Variants in FARS2 observed in about 807,000 individuals in gnomAD.
FARS2 encodes phenylalanyl-tRNA synthetase 2, mitochondrial.
A neutral mutation model predicts 46.4 loss-of-function variants in FARS2; 40 were observed. That is an observed-to-expected ratio of 0.86 (90% CI 0.67 to 1.12). The LOEUF is 1.12. Among genes scored for constraint, FARS2 ranks in the 50% most tolerant of loss-of-function variants. The probability of loss-of-function intolerance (pLI) is 0.00; values close to 1 mark genes in which losing one functional copy is unlikely to be tolerated. For missense variants in FARS2, 513 were observed against 567.9 expected, an observed-to-expected ratio of 0.90 and a Z score of 0.98; for synonymous variants, 234 against 214.9, an observed-to-expected ratio of 1.09 and a Z score of -0.78.
chr6:5,572,333 T>G (rs1052551324), intron 5 of FARS2, among the ~76,000 whole-genome samples: 4 of 151,900 alleles, frequency 2.6e-5, no homozygotes, highest in Admixed American at 2.6e-4. Context: ...CCACACACTT[T>G]TAAATGACCA....
chr6:5,560,328 A>T (rs1237256894), intron 5 of FARS2, among the ~76,000 whole-genome samples: 2 of 152,150 alleles, frequency 1.3e-5, no homozygotes, highest in African/African-American at 4.8e-5. Flanking sequence ...AGATGATCTT[A>T]TGATTTCTGG....
chr6:5,259,493 A>C (rs138814250), upstream of FARS2, among the ~76,000 whole-genome samples: 2 of 152,374 alleles, frequency 1.3e-5, no homozygotes, highest in African/African-American at 4.8e-5. Context: ...AATTTGCAGC[A>C]TGAGTATATT....
intron 4 of FARS2, chr6:5,451,831 C>T (rs1764509351): frequency 6.6e-6 from 1 of 152,198 alleles, no homozygotes; most frequent in South Asian, 2.1e-4. Flanking sequence ...CCCTATTTAA[C>T]TGGCAAGGAT....
chr6:5,732,891 G>T (rs1274911235), intron 6 of FARS2, among the ~76,000 whole-genome samples: 1 of 151,492 alleles, frequency 6.6e-6, no homozygotes, highest in African/African-American at 2.4e-5. Flanking sequence ...TTCCACAGTT[G>T]CTGAATTCTT....
chr6:5,399,131 TTA>T (rs1761082815), intron 2 of FARS2, among the ~76,000 whole-genome samples: 291 of 17,496 alleles, frequency 0.017, 2 homozygotes, highest in African/African-American at 0.013. Context: ...TATTATTTTA[TTA>T]TTATTATTAT....
Position 5,545,219 on chromosome 6 carries a change from G to A in FARS2, c.944G>A (p.Gly315Glu). The A allele has an allele frequency of 6.2e-7, 1 of 1,613,986 alleles. No homozygotes were observed. The highest frequency in any genetic ancestry group is 8.5e-7 in the Non-Finnish European group (1 of 1,179,912). ...QDRIGWAFGL[G>E]LERLAMILYD... ...CGAATCGGCTGGGCTTTTGGCCTAG[G>A]ATTAGAAAGGCTAGCCATGATCCTC... The change falls in exon 5 of 7, where the codon GGA becomes GAA. Residue 315 changes from glycine to glutamate, a missense_variant. Coordinates refer to ENST00000274680, the MANE Select transcript of FARS2 (RefSeq NM_006567.5).
chr6:5,268,244 A>G (rs979274076), intron 1 of FARS2, among the ~76,000 whole-genome samples: 2 of 151,214 alleles, frequency 1.3e-5, no homozygotes, highest in African/African-American at 2.4e-5. Context: ...TTTTGTTGCC[A>G]TTGCTTTTGG....
At chr6:5,635,638 A>G (rs183300873) in intron 6 of FARS2, among the ~76,000 whole-genome samples, 40 of 152,302 alleles carry the variant, frequency 2.6e-4, no homozygotes, top group African/African-American at 9.4e-4. Flanking sequence ...CGCCCCATGT[A>G]GAAAATGGCA....
At chr6:5,257,116 C>T (rs1764714024), upstream of FARS2, among the ~76,000 whole-genome samples, 1 of 152,172 alleles carries the variant, frequency 6.6e-6, no homozygotes, top group Non-Finnish European at 1.5e-5. Context: ...CCAGAGTGAT[C>T]TATCAGAAAA....
chr6:5,640,869 A>G (rs770467378), intron 6 of FARS2, among the ~76,000 whole-genome samples: 9 of 152,300 alleles, frequency 5.9e-5, no homozygotes, highest in Non-Finnish European at 1.3e-4. Context: ...GCTTGTAACA[A>G]GGGTCAAATG....
At chr6:5,390,255 G>A (rs1760417708) in intron 2 of FARS2, among the ~76,000 whole-genome samples, 1 of 152,274 alleles carries the variant, frequency 6.6e-6, no homozygotes, top group African/African-American at 2.4e-5. Flanking sequence ...GTGAGGTAAG[G>A]CCAGTTTCCA....
chr6:5,467,545 C>T (rs1765576617), intron 4 of FARS2, among the ~76,000 whole-genome samples: 1 of 152,192 alleles, frequency 6.6e-6, no homozygotes, highest in South Asian at 2.1e-4. Context: ...TATCCTCTTC[C>T]TGTGTCAACT....
chr6:5,544,639 A>G (rs1456932737), intron 4 of FARS2, among the ~76,000 whole-genome samples: 1 of 152,196 alleles, frequency 6.6e-6, no homozygotes, highest in Admixed American at 6.5e-5. Flanking sequence ...GTTCTCTGCA[A>G]TGCTGAAGTG....
intron 6 of FARS2, among the ~76,000 whole-genome samples, chr6:5,663,101 A>G (rs957290754): frequency 5.3e-5 from 8 of 152,176 alleles, no homozygotes; most frequent in Non-Finnish European, 2.9e-5. Flanking sequence ...AGGTGATTCT[A>G]TGTCCAGTTT....
chr6:5,574,827 C>A (rs1314904220), intron 5 of FARS2, among the ~76,000 whole-genome samples: 1 of 152,136 alleles, frequency 6.6e-6, no homozygotes, highest in Non-Finnish European at 1.5e-5. Context: ...GGTTCCAAGA[C>A]CTCTTGCAGA....
chr6:5,473,111 C>A (rs559034618), intron 4 of FARS2, among the ~76,000 whole-genome samples: 5 of 152,212 alleles, frequency 3.3e-5, no homozygotes, highest in African/African-American at 1.2e-4. Context: ...TTGGTGTTAT[C>A]TATATTTGCA....
At chr6:5,675,909 C>T (rs79332636) in intron 6 of FARS2, among the ~76,000 whole-genome samples, 44 of 152,136 alleles carry the variant, frequency 2.9e-4, no homozygotes, top group Non-Finnish European at 5.4e-4. Flanking sequence ...TATTGAACAA[C>T]GTCTCGGTCA....
At chr6:5,665,016 T>G (rs987906666) in intron 6 of FARS2, 4 of 152,252 alleles carry the variant, frequency 2.6e-5, no homozygotes, top group Non-Finnish European at 4.4e-5. Flanking sequence ...TACTTGTTGC[T>G]TCAGGGCAAA....
At chr6:5,276,562 G>A (rs1766347606) in intron 1 of FARS2, among the ~76,000 whole-genome samples, 1 of 152,158 alleles carries the variant, frequency 6.6e-6, no homozygotes, top group South Asian at 2.1e-4. Context: ...TGAATTGCAG[G>A]AACTAAGAAT....
Sources: allele counts gnomAD v4.1 joint callset (sites outside exome capture counted in the v4.1 genomes callset), GRCh38; gene constraint gnomAD v4.1.1; transcripts MANE v1.5; gene names NCBI Gene and HGNC (gene_info 2026-07-23, HGNC 2026-07-21).